SPRY3: variants seen among roughly 807,000 people sequenced by gnomAD.
SPRY3 encodes protein sprouty homolog 3.
Under a neutral mutation model 20.2 loss-of-function variants are expected in SPRY3, and 15 were observed. The ratio of observed to expected loss-of-function variants is 0.74; its 90% CI spans 0.50 to 1.14. The LOEUF (loss-of-function observed/expected upper bound fraction) is 1.14. Ranked by LOEUF, SPRY3 falls within the 50% of genes most tolerant of loss-of-function variation. The probability of loss-of-function intolerance (pLI) is 0.00; values close to 1 mark genes in which losing one functional copy is unlikely to be tolerated. For missense variants in SPRY3, 364 were observed against 363.9 expected, an observed-to-expected ratio of 1.00 and a Z score of 0.00; for synonymous variants, 143 against 136.5, an observed-to-expected ratio of 1.05 and a Z score of -0.33.
At chrX:155,624,074 T>G (rs1408464329) in intron 1 of SPRY3, among the ~76,000 whole-genome samples, 1 of 112,206 alleles carries the variant, frequency 8.9e-6, no homozygotes, top group Non-Finnish European at 1.9e-5. Context: ...GGAAAAGCAT[T>G]ATATGGCTTT....
At chrX:155,727,821 TC>T (rs902212730) in intron 2 of SPRY3, among the ~76,000 whole-genome samples, 1 of 152,258 alleles carries the variant, frequency 6.6e-6, no homozygotes, top group Admixed American at 6.5e-5. Context: ...AAAGTCTTTT[TC>T]CGTCCAGCTT....
At chrX:155,644,342 G>C (rs1473314051) in intron 1 of SPRY3, among the ~76,000 whole-genome samples, 2 of 108,484 alleles carry the variant, frequency 1.8e-5, no homozygotes, top group African/African-American at 6.7e-5. Flanking sequence ...TACCTACCTG[G>C]CTACTGTGTA....
At chrX:155,727,313 G>C (rs1032949165) in intron 2 of SPRY3, among the ~76,000 whole-genome samples, 8 of 152,038 alleles carry the variant, frequency 5.3e-5, no homozygotes, top group Admixed American at 3.9e-4. Context: ...GTATCTTTGT[G>C]GTGTTCTCTG....
Position 155,723,464 on chromosome X carries a change from T to C in SPRY3, c.-281-44498T>C, listed in dbSNP as rs186942526. Among the ~76,000 whole-genome samples the C allele has an allele frequency of 5.8e-3, 886 of 152,316 alleles. 5 individuals carry two copies. Among genetic ancestry groups the C allele is most frequent in the Non-Finnish European group, 0.01 (699 of 68,038 alleles). Reference sequence around the variant, plus strand: ...CATCTTTTGTTTCCTGATTTTTTACTGTTCGCCATTCTAACTGGCGTGAGA... The same window carrying C: ...CATCTTTTGTTTCCTGATTTTTTACCGTTCGCCATTCTAACTGGCGTGAGA... On this transcript the variant is annotated intron_variant, in intron 2 of 3. Coordinates refer to ENST00000675360, the Ensembl canonical transcript of SPRY3.
At chrX:155,638,600 T>A in intron 1 of SPRY3, among the ~76,000 whole-genome samples, 1 of 108,827 alleles carries the variant, frequency 9.2e-6, no homozygotes, top group Non-Finnish European at 1.9e-5. Context: ...CAAGGATGAT[T>A]TGGCCATGTG....
intron 2 of SPRY3, among the ~76,000 whole-genome samples, chrX:155,765,348 C>A (rs928445952): frequency 2.0e-5 from 3 of 152,098 alleles, no homozygotes; most frequent in African/African-American, 7.2e-5. Context: ...AACTGTGTAA[C>A]CTTGGACAAG....
chrX:155,774,825 G>C (rs2091413190), exon 4 of SPRY3: 1 of 1,460,156 alleles, frequency 6.8e-7, no homozygotes, highest in Non-Finnish European at 9.3e-7. Context: ...GGGGAGGAGT[G>C]ATAAACTAGC....
intron 2 of SPRY3, among the ~76,000 whole-genome samples, chrX:155,717,642 T>G (rs1354265296): frequency 6.6e-6 from 1 of 151,852 alleles, no homozygotes; most frequent in Non-Finnish European, 1.5e-5. Flanking sequence ...CACTTTTGAG[T>G]GAGAACATGT....
chrX:155,625,897 T>C (rs940503742), intron 1 of SPRY3, among the ~76,000 whole-genome samples: 15 of 110,357 alleles, frequency 1.4e-4, no homozygotes, highest in African/African-American at 4.6e-4. Flanking sequence ...ATTTCATTTC[T>C]TTTCATGGCT....
At chrX:155,628,718 T>A (rs781908907) in intron 1 of SPRY3, among the ~76,000 whole-genome samples, 1 of 112,094 alleles carries the variant, frequency 8.9e-6, no homozygotes, top group East Asian at 2.8e-4. Flanking sequence ...AACCTCTGTA[T>A]TATTTTCCAT....
intron 1 of SPRY3, among the ~76,000 whole-genome samples, chrX:155,622,969 A>G (rs782227029): frequency 1.8e-5 from 2 of 112,270 alleles, no homozygotes; most frequent in East Asian, 5.6e-4. Context: ...ATATGAAATC[A>G]AGAGCTAAGA....
At chrX:155,704,896 G>C (rs1602950038) in intron 2 of SPRY3, among the ~76,000 whole-genome samples, 3 of 151,298 alleles carry the variant, frequency 2.0e-5, no homozygotes, top group Non-Finnish European at 4.4e-5. Context: ...TGTCAACCCA[G>C]GATTCTATAT....
intron 1 of SPRY3, among the ~76,000 whole-genome samples, chrX:155,651,783 A>G (rs1173043063): frequency 8.9e-6 from 1 of 112,306 alleles, no homozygotes. Flanking sequence ...CATGCAATGC[A>G]TAATAATCAT....
chrX:155,629,309 A>T (rs1417226990), intron 1 of SPRY3, among the ~76,000 whole-genome samples: 10 of 109,617 alleles, frequency 9.1e-5, no homozygotes. Flanking sequence ...TTACAGCTCC[A>T]TCCATGTCGC....
intron 2 of SPRY3, among the ~76,000 whole-genome samples, chrX:155,759,278 C>T (rs2091295216): frequency 6.6e-6 from 1 of 152,096 alleles, no homozygotes; most frequent in South Asian, 2.1e-4. Flanking sequence ...CCCACCTCGA[C>T]CTCCCAAAAT....
chrX:155,694,982 C>G (rs2068114319), intron 2 of SPRY3, among the ~76,000 whole-genome samples: 1 of 111,358 alleles, frequency 9.0e-6, no homozygotes, highest in African/African-American at 3.3e-5. Flanking sequence ...ATTGGGGACC[C>G]TTGCTTTATG....
intron 1 of SPRY3, among the ~76,000 whole-genome samples, chrX:155,656,198 A>C (rs2067991736): frequency 9.0e-6 from 1 of 111,482 alleles, no homozygotes; most frequent in South Asian, 3.8e-4. Flanking sequence ...GTGTTTTCCA[A>C]CTTGGTTCCA....
intron 2 of SPRY3, among the ~76,000 whole-genome samples, chrX:155,705,957 G>A (rs765865187): frequency 6.6e-6 from 1 of 151,338 alleles, no homozygotes; most frequent in South Asian, 2.1e-4. Flanking sequence ...ACAGCTAGTA[G>A]AACGAATAAA....
chrX:155,695,791 C>T (rs190996383), intron 2 of SPRY3, among the ~76,000 whole-genome samples: 14 of 110,966 alleles, frequency 1.3e-4, no homozygotes, highest in Non-Finnish European at 2.6e-4. Flanking sequence ...CATTTTTTAT[C>T]TCCAAAATTT....
Sources: allele counts gnomAD v4.1 joint callset (sites outside exome capture counted in the v4.1 genomes callset), GRCh38; gene constraint gnomAD v4.1.1; transcripts MANE v1.5; gene names NCBI Gene and HGNC (gene_info 2026-07-23, HGNC 2026-07-21).